SEPTIN9: variants seen among roughly 807,000 people sequenced by gnomAD.
SEPTIN9 encodes septin-9.
SEPTIN9 carries 13 observed loss-of-function variants against 56.6 expected under a neutral mutation model. The observed-to-expected ratio is 0.23, with a 90% CI of 0.15 to 0.37. The LOEUF is 0.37. Among genes scored for constraint, SEPTIN9 ranks in the 10% least tolerant of loss-of-function variants. The pLI, the probability that SEPTIN9 is intolerant of heterozygous loss-of-function variation, is 1.00. For synonymous variants in SEPTIN9, 332 were observed against 334.1 expected, an observed-to-expected ratio of 0.99 and a Z score of 0.07; for missense variants, 650 against 823.1, an observed-to-expected ratio of 0.79 and a Z score of 2.57.
intron 3 of SEPTIN9, among the ~76,000 whole-genome samples, chr17:77,462,109 C>A (rs2038502463): frequency 6.6e-6 from 1 of 151,436 alleles, no homozygotes; most frequent in South Asian, 2.1e-4. Context: ...GTTTTGGATT[C>A]ATTGGCTGGG....
Position 77,303,225 on chromosome 17 carries a change from C to T in SEPTIN9, c.20-3916C>T, listed in dbSNP as rs1027278117. On this transcript the variant is annotated intron_variant, in intron 1 of 11. Coordinates refer to ENST00000427177, the MANE Select transcript of SEPTIN9 (RefSeq NM_001113491.2). ...AAGCGATTCTCCTGCCTTGGCCTCC[C>T]GAGTAGCTGGGATTACAGGCGAATG... Among the ~76,000 whole-genome samples, 7 of 151,632 alleles carry T rather than the reference C, an allele frequency of 4.6e-5. No homozygotes were observed. In the South Asian group the frequency reaches 6.3e-4, roughly 14 times the overall value.
chr17:77,285,887 G>A (rs1029163541), intron 1 of SEPTIN9, among the ~76,000 whole-genome samples: 6 of 152,230 alleles, frequency 3.9e-5, no homozygotes, highest in African/African-American at 1.2e-4. Context: ...CTCACCCAGC[G>A]CCCCGGGAGC....
chr17:77,481,934 G>A (rs754380903), intron 3 of SEPTIN9: 52 of 592,846 alleles, frequency 8.8e-5, no homozygotes, highest in Admixed American at 3.9e-4. Context: ...GGGAGGCAGC[G>A]TGGCTGCAGG....
At chr17:77,337,991 G>A (rs768883308) in intron 2 of SEPTIN9, among the ~76,000 whole-genome samples, 29 of 152,166 alleles carry the variant, frequency 1.9e-4, no homozygotes, top group Non-Finnish European at 3.7e-4. Context: ...GAGGTTAGGA[G>A]TTTGAGAACA....
chr17:77,385,561 A>G (rs985711383), intron 2 of SEPTIN9, among the ~76,000 whole-genome samples: 2 of 152,206 alleles, frequency 1.3e-5, no homozygotes, highest in East Asian at 3.8e-4. Context: ...ATAAAAATAA[A>G]TAAAAGTTTA....
chr17:77,496,718 G>GTTTA (rs2040277217), intron 10 of SEPTIN9, among the ~76,000 whole-genome samples: 1 of 152,244 alleles, frequency 6.6e-6, no homozygotes, highest in African/African-American at 2.4e-5. Context: ...CCTGAGCAAT[G>GTTTA]TTTAGCATTG....
chr17:77,413,224 C>T (rs772095590), intron 3 of SEPTIN9, among the ~76,000 whole-genome samples: 2 of 152,018 alleles, frequency 1.3e-5, no homozygotes, highest in African/African-American at 2.4e-5. Flanking sequence ...TAAGCAGCAA[C>T]ATAATAATCT....
chr17:77,281,548 TACTC>T lies in SEPTIN9; in HGVS notation c.15_18del (p.Tyr5Ter). ...CCACGGAGGCACCATGAAGAAGTCT[TACTC>T]AGGTGGGCTTCGCGCCCGGGGTGGG... On this transcript the variant is annotated frameshift_variant and splice_region_variant, in exon 1 of 12. Transcript: ENST00000427177. LOFTEE classifies it high-confidence loss of function. The T allele has an allele frequency of 6.5e-7, 1 of 1,547,030 alleles. No individual in the cohort carries two copies. The highest frequency in any genetic ancestry group is 8.7e-7 in the Non-Finnish European group (1 of 1,146,370).
intron 10 of SEPTIN9, among the ~76,000 whole-genome samples, chr17:77,493,683 T>C (rs1215174566): frequency 6.6e-6 from 1 of 151,994 alleles, no homozygotes; most frequent in Non-Finnish European, 1.5e-5. Context: ...CTAGTTGTAT[T>C]GTAAAGGCAT....
At chr17:77,444,809 G>C (rs550518369) in intron 3 of SEPTIN9, 53 of 249,850 alleles carry the variant, frequency 2.1e-4, no homozygotes, top group African/African-American at 1.1e-3. Context: ...CAGATGGCTC[G>C]GGCTAAGAAG....
At chr17:77,382,027 C>T (rs964393170) in intron 2 of SEPTIN9, among the ~76,000 whole-genome samples, 1 of 151,820 alleles carries the variant, frequency 6.6e-6, no homozygotes, top group African/African-American at 2.4e-5. Flanking sequence ...TTTTCTTTTT[C>T]TTTCTTTCTT....
At chr17:77,497,279 C>T in intron 10 of SEPTIN9, 36 bp from the exon 11 acceptor site, 1 of 1,603,372 alleles carries the variant, frequency 6.2e-7, no homozygotes, top group Non-Finnish European at 8.5e-7. Flanking sequence ...AGTTTCTCCA[C>T]TGGGACATTA....
chr17:77,304,261 C>T (rs1395161306), intron 1 of SEPTIN9, among the ~76,000 whole-genome samples: 1 of 152,196 alleles, frequency 6.6e-6, no homozygotes, highest in Non-Finnish European at 1.5e-5. Flanking sequence ...TGCGCTCGCC[C>T]CCTTCTTATG....
intron 2 of SEPTIN9, among the ~76,000 whole-genome samples, chr17:77,356,234 C>T (rs138309610): frequency 7.6e-4 from 115 of 152,252 alleles, no homozygotes; most frequent in African/African-American, 1.9e-3. Flanking sequence ...CAGCCCGCAC[C>T]GCGAGGCTTC....
At chr17:77,292,438 A>T (rs1048450223) in intron 1 of SEPTIN9, among the ~76,000 whole-genome samples, 7 of 151,080 alleles carry the variant, frequency 4.6e-5, no homozygotes, top group African/African-American at 1.7e-4. Context: ...CTTTTCCCGC[A>T]TCCTGGGGTA....
intron 3 of SEPTIN9, among the ~76,000 whole-genome samples, chr17:77,431,798 C>A (rs1568064431): frequency 6.7e-6 from 1 of 148,922 alleles, no homozygotes; most frequent in Non-Finnish European, 1.5e-5. Context: ...CCACTGCATT[C>A]CAGCCTAGGC....
chr17:77,399,062 G>C (rs571335417), intron 2 of SEPTIN9, among the ~76,000 whole-genome samples: 1 of 152,344 alleles, frequency 6.6e-6, no homozygotes, highest in African/African-American at 2.4e-5. Context: ...CAGACAACTG[G>C]AGGAAGGAGG....
chr17:77,382,031 C>T (rs975857345), intron 2 of SEPTIN9, among the ~76,000 whole-genome samples: 1 of 151,984 alleles, frequency 6.6e-6, no homozygotes, highest in Admixed American at 6.6e-5. Context: ...CTTTTTCTTT[C>T]TTTCTTTTTT....
chr17:77,413,547 C>T (rs1430697916), intron 3 of SEPTIN9, among the ~76,000 whole-genome samples: 2 of 152,130 alleles, frequency 1.3e-5, no homozygotes, highest in Admixed American at 6.5e-5. Flanking sequence ...CTGTGGCCAG[C>T]GTCCTGGGAT....
Sources: gnomAD v4.1 joint callset for allele counts (sites outside exome capture counted in the v4.1 genomes callset) on GRCh38, gnomAD v4.1.1 for gene constraint, MANE v1.5 for transcripts, NCBI Gene and HGNC (gene_info 2026-07-23, HGNC 2026-07-21) for gene names.